Variants in AKAP9 observed in about 807,000 individuals in gnomAD.
The protein encoded by AKAP9 is A-kinase anchor protein 9.
Under a neutral mutation model 488.5 loss-of-function variants are expected in AKAP9, and 311 were observed. That is an observed-to-expected ratio of 0.64 (90% confidence interval 0.58 to 0.70). The LOEUF is 0.70. Among genes scored for constraint, AKAP9 ranks in the 30% least tolerant of loss-of-function variants. The pLI is 0.00. For missense variants in AKAP9, 4,215 were observed against 4,374.5 expected (o/e 0.96, Z 1.03); for synonymous variants, 1,462 against 1,483.5 (o/e 0.99, Z 0.33).
intron 26 of AKAP9, 36 bp from the exon 27 acceptor site, chr7:92,069,994 T>A: frequency 6.3e-7 from 1 of 1,593,964 alleles, no homozygotes; most frequent in South Asian, 1.1e-5. Flanking sequence ...TGCTGAAATT[T>A]TTTTTAAATT....
intron 35 of AKAP9, 92 bp from the exon 36 acceptor site, chr7:92,085,403 A>G: frequency 7.9e-7 from 1 of 1,261,500 alleles, no homozygotes; most frequent in Non-Finnish European, 1.1e-6. Flanking sequence ...TCTGCAAGCT[A>G]TCTTGCTTAA....
At chr7:92,047,847 A>C (rs574245183) in intron 21 of AKAP9, among the ~76,000 whole-genome samples, 2 of 152,318 alleles carry the variant, frequency 1.3e-5, no homozygotes, top group East Asian at 3.9e-4. Flanking sequence ...TAGGATTAGT[A>C]TCATTGGTTA....
At chr7:92,021,890 TTTA>T (rs1450309587) in intron 12 of AKAP9, among the ~76,000 whole-genome samples, 1 of 152,216 alleles carries the variant, frequency 6.6e-6, no homozygotes, top group Admixed American at 6.5e-5. Flanking sequence ...TAATATAAAA[TTTA>T]TTATGTATGA....
At chr7:92,031,924 T>C (rs1478777177) in intron 16 of AKAP9, among the ~76,000 whole-genome samples, 1 of 152,228 alleles carries the variant, frequency 6.6e-6, no homozygotes, top group Non-Finnish European at 1.5e-5. Flanking sequence ...AAAGAGAAAG[T>C]GGTTGGTCCT....
chr7:92,030,362 G>C (rs1425040939), intron 15 of AKAP9, among the ~76,000 whole-genome samples: 1 of 152,188 alleles, frequency 6.6e-6, no homozygotes, highest in African/African-American at 2.4e-5. Context: ...GTGTTTAGGG[G>C]CCAGGTGTGA....
chr7:92,096,629 G>T, intron 40 of AKAP9, 60 bp from the exon 41 acceptor site: 1 of 1,599,228 alleles, frequency 6.3e-7, no homozygotes, highest in Non-Finnish European at 8.5e-7. Context: ...GAGCCACCAC[G>T]CCCGGCCAAG....
chr7:92,024,111 T>C (rs1172115990), intron 14 of AKAP9, among the ~76,000 whole-genome samples: 2 of 151,718 alleles, frequency 1.3e-5, no homozygotes, highest in South Asian at 4.1e-4. Flanking sequence ...TTATATAATA[T>C]ATATCATATA....
At chr7:92,014,605 GGT>G (rs1801249875) in intron 10 of AKAP9, among the ~76,000 whole-genome samples, 1 of 151,972 alleles carries the variant, frequency 6.6e-6, no homozygotes, top group Non-Finnish European at 1.5e-5. Context: ...CTCCAGCCTG[GGT>G]AACAGAGTGG....
rs778698845 is a variant in AKAP9 at position 92,077,828 on chromosome 7, C to G, written c.6898C>G (p.Gln2300Glu). 2.2e-5 allele frequency: 36 copies of G among 1,613,480 alleles called. 1 individual carries two copies. In the South Asian group the frequency reaches 3.8e-4, roughly 17 times the overall value. The change falls in exon 30 of 50, where the codon CAA becomes GAA. Residue 2300 changes from glutamine to glutamate, a missense_variant. By Grantham distance (29) the Gln-to-Glu change is conservative. This residue lies in a region of AKAP9 where 1,476 missense variants were observed against 1,477.4 expected (regional missense o/e 1.00). Coordinates refer to ENST00000356239, the MANE Select transcript of AKAP9 (RefSeq NM_005751.5). ...KEVEIDQLNE[Q>E]VTKLQQQLKI... The stretch of plus-strand genomic sequence containing the variant: ...GGTAGAAATTGACCAATTAAATGAA[C>G]AAGTTACGAAACTCCAGCAGCAACT...
intron 16 of AKAP9, among the ~76,000 whole-genome samples, chr7:92,032,715 A>G (rs80306000): frequency 0.056 from 8,593 of 152,274 alleles, 346 homozygotes; most frequent in Middle Eastern, 0.11. Flanking sequence ...TATCTGGGCC[A>G]TAAGGACTTA....
rs34688691 is a variant in AKAP9 at position 92,083,702 on chromosome 7, TA to T, written c.8646+59del. 602,236 of 1,368,946 alleles carry T rather than the reference TA, an allele frequency of 0.44. 107,575 individuals are homozygous for T. The highest frequency in any genetic ancestry group is 0.48 in the African/African-American group (33,533 of 69,636). 84.8% of individuals were successfully genotyped at this position (1,368,946 alleles called of 1,614,324 possible). A position where few individuals can be genotyped will look rare whatever the true frequency, so the allele number is the denominator to read the frequency against. The stretch of plus-strand genomic sequence containing the variant: ...TGTTTTTCAACATTGTGTGGTTTTT[TA>T]AAAAAAAAAAATCAGTTTAATTCAT... On this transcript the variant is annotated intron_variant, in intron 33 of 49. Transcript: ENST00000356239.
At position 91,964,042 on chromosome 7, in the gene AKAP9, G is replaced by C. The variant is rs557231877; in HGVS notation, c.49-9669G>C. On this transcript the variant is annotated intron_variant, in intron 1 of 49. Transcript: ENST00000356239. ...CTCAAATTCAATTTAGGAATAGGTG[G>C]CTAATAGTTGCTTCTTAGAAAAATT... is the stretch of plus-strand genomic sequence containing the variant. Among the ~76,000 whole-genome samples the C allele has an allele frequency of 3.9e-5, 6 of 152,174 alleles. No individual in the cohort carries two copies. The South Asian group carries it at 1.2e-3, about 32-fold the overall frequency.
chr7:92,072,518 T>A (rs528007389), intron 28 of AKAP9, among the ~76,000 whole-genome samples: 10 of 152,296 alleles, frequency 6.6e-5, no homozygotes, highest in Non-Finnish European at 1.3e-4. Context: ...TCTGATGGAG[T>A]ATAAATATAA....
In AKAP9 at chr7:92,070,213, C is replaced by T; in HGVS notation, c.6507+7C>T. The stretch of plus-strand genomic sequence containing the variant: ...TGCAGATACTTTTCAAAAGGTGTGG[C>T]ATTTTATTTGGGCTAACTTAATAAG... On this transcript the variant is annotated splice_region_variant and intron_variant, in intron 27 of 49. Transcript: ENST00000356239. The T allele has an allele frequency of 6.2e-7, 1 of 1,613,708 alleles. No homozygotes were observed. The highest frequency in any genetic ancestry group is 1.1e-5 in the South Asian group (1 of 91,056).
chr7:92,079,874 C>A lies in AKAP9; in HGVS notation c.7741C>A (p.Pro2581Thr). ...CQDNQTISSEPERTNIQNLNQ... is the reference protein window; with the variant it reads ...CQDNQTISSETERTNIQNLNQ... ...AGATAATCAAACAATTTCATCAGAA[C>A]CTGAAAGAACAAATATTCAGAATTT... Residue 2581 changes from proline to threonine, a missense_variant, in exon 31 of 50, where the codon CCT becomes ACT. Physicochemically the swap from Pro to Thr is conservative, Grantham distance 38 (BLOSUM62 -1). This residue lies in a region of AKAP9 where 1,476 missense variants were observed against 1,477.4 expected (regional missense o/e 1.00). Transcript: ENST00000356239. 6.2e-7 allele frequency: 1 copy of A among 1,613,970 alleles called. No individual in the cohort carries two copies.
chr7:92,024,184 G>A (rs533277777), intron 14 of AKAP9, among the ~76,000 whole-genome samples: 129 of 151,582 alleles, frequency 8.5e-4, no homozygotes, highest in African/African-American at 2.9e-3. Context: ...AGCTGAGGCA[G>A]GCAGATTACC....
At position 92,001,999 on chromosome 7, in the gene AKAP9, A is replaced by C; in HGVS notation, c.2082A>C (p.Gln694His). Residue 694 changes from glutamine to histidine, a missense_variant, in exon 8 of 50, where the codon CAA becomes CAC. Physicochemically the swap from Gln to His is conservative, Grantham distance 24. This residue lies in a region of AKAP9 where 2,361 missense variants were observed against 2,430.0 expected (regional missense o/e 0.97). Coordinates refer to ENST00000356239, the MANE Select transcript of AKAP9 (RefSeq NM_005751.5). Reference sequence around the variant, plus strand: ...ACAATTTGATAACTAAGCAGAATCAATTAATTTTGGAAATTTCAAAGCTAA... The same window carrying C: ...ACAATTTGATAACTAAGCAGAATCACTTAATTTTGGAAATTTCAAAGCTAA... ...EKDNLITKQN[Q>H]LILEISKLKD... The C allele has an allele frequency of 6.2e-7, 1 of 1,611,840 alleles. No homozygotes were observed. Among genetic ancestry groups the C allele is most frequent in the Non-Finnish European group, 8.5e-7 (1 of 1,179,400 alleles).
At position 92,066,547 on chromosome 7, in the gene AKAP9, G is replaced by A. The variant is rs1461491824; in HGVS notation, c.6330+1G>A. The A allele has an allele frequency of 3.1e-6, 5 of 1,613,280 alleles. No homozygotes were observed. Among genetic ancestry groups the A allele is most frequent in the Non-Finnish European group, 4.2e-6 (5 of 1,179,474 alleles). On this transcript the variant is annotated splice_donor_variant, in intron 26 of 49. Transcript: ENST00000356239. LOFTEE classifies it high-confidence loss of function. ...TATCAGTGAACATCAAACTAGAGAG[G>A]TAAGAACTTCACTGATATTGCCCAA...
At chr7:92,100,821 CAG>C (rs1421203813) in intron 44 of AKAP9, 33 bp from the exon 45 acceptor site, 15 of 1,611,802 alleles carry the variant, frequency 9.3e-6, no homozygotes, top group Non-Finnish European at 1.1e-5. Context: ...GACTTTTCTT[CAG>C]AGACTTGTGT....
Sources: allele counts gnomAD v4.1 joint callset (sites outside exome capture counted in the v4.1 genomes callset), GRCh38; gene constraint gnomAD v4.1.1; regional missense constraint gnomAD v4.1.1; transcripts MANE v1.5; gene names NCBI Gene and HGNC (gene_info 2026-07-23, HGNC 2026-07-21).